PHLPP1: variants seen among roughly 807,000 people sequenced by gnomAD.
The protein encoded by PHLPP1 is PH domain and leucine rich repeat protein phosphatase 1, also known as PH domain leucine-rich repeat-containing protein phosphatase 1.
A neutral mutation model predicts 117.2 loss-of-function variants in PHLPP1; 42 were observed. The ratio of observed to expected loss-of-function variants is 0.36; its 90% CI spans 0.28 to 0.46. The LOEUF is 0.46. PHLPP1 is among the 20% of genes least tolerant of loss of function. PHLPP1 has a pLI of 1.00. For synonymous variants in PHLPP1, 1,042 were observed against 970.7 expected (o/e 1.07, Z -1.37); for missense variants, 2,084 against 2,241.9 (o/e 0.93, Z 1.42).
At chr18:62,849,822 A>ATATATATATATATATATAT (rs1568137160) in intron 3 of PHLPP1, among the ~76,000 whole-genome samples, 1 of 45,492 alleles carries the variant, frequency 2.2e-5, no homozygotes, top group Non-Finnish European at 4.6e-5. Context: ...AAAAAAAAAA[A>ATATATATATATATATATAT]AAAAAAAAAA....
At chr18:62,851,410 G>C (rs1408689428) in intron 3 of PHLPP1, among the ~76,000 whole-genome samples, 1 of 152,024 alleles carries the variant, frequency 6.6e-6, no homozygotes, top group African/African-American at 2.4e-5. Context: ...TAAAATCATA[G>C]ATCCTACCTC....
At chr18:62,748,605 C>T (rs1911750096) in intron 1 of PHLPP1, among the ~76,000 whole-genome samples, 1 of 152,158 alleles carries the variant, frequency 6.6e-6, no homozygotes, top group Non-Finnish European at 1.5e-5. Flanking sequence ...TATATAGTGA[C>T]ATTTTATTTC....
At chr18:62,906,525 G>T (rs576790066) in intron 8 of PHLPP1, 1 of 138,646 alleles carries the variant, frequency 7.2e-6, no homozygotes, top group Middle Eastern at 3.3e-3. Flanking sequence ...TTCCCTTTCC[G>T]AGTCAAAGAA....
rs183857169 is a variant in PHLPP1, at chr18:62,891,362, C to T, written c.2067-3649C>T. 3.9e-5 allele frequency among the ~76,000 whole-genome samples: 6 copies of T among 152,238 alleles called. No homozygotes were observed. In the East Asian group the frequency reaches 9.6e-4, roughly 24 times the overall value. On this transcript the variant is annotated intron_variant, in intron 4 of 16. Transcript: ENST00000262719. ...CAACAGTTTGGGAGGCCAAGGCGGG[C>T]GGATCACCTGAGGTCAGGAGTTCGA...
intron 3 of PHLPP1, chr18:62,839,114 A>T (rs983198491): frequency 4.2e-5 from 22 of 528,140 alleles, no homozygotes; most frequent in Admixed American, 3.3e-4. Context: ...TTACTTGCCC[A>T]GTTTATACTT....
At chr18:62,839,549 T>A (rs971570872) in intron 3 of PHLPP1, 1 of 151,442 alleles carries the variant, frequency 6.6e-6, no homozygotes, top group African/African-American at 2.4e-5. Context: ...AAACCCCATC[T>A]CTACTAAAAA....
chr18:62,747,546 A>G (rs1911716269), intron 1 of PHLPP1, among the ~76,000 whole-genome samples: 1 of 150,722 alleles, frequency 6.6e-6, no homozygotes, highest in Non-Finnish European at 1.5e-5. Flanking sequence ...CTTCTTCAAC[A>G]GGGTCTCCAT....
chr18:62,766,076 A>AAAAAAAATAT, intron 1 of PHLPP1, among the ~76,000 whole-genome samples: 11 of 21,662 alleles, frequency 5.1e-4, no homozygotes, highest in African/African-American at 1.2e-3. Context: ...AAAAAAAAAA[A>AAAAAAAATAT]ATATATATAT....
At chr18:62,867,607 A>G (rs1915800282) in intron 4 of PHLPP1, among the ~76,000 whole-genome samples, 1 of 152,058 alleles carries the variant, frequency 6.6e-6, no homozygotes, top group Non-Finnish European at 1.5e-5. Flanking sequence ...TCCTCTCAGC[A>G]CCTTTTTCTT....
chr18:62,975,339 T>C, intron 15 of PHLPP1, 58 bp from the exon 16 acceptor site: 1 of 1,202,574 alleles, frequency 8.3e-7, no homozygotes, highest in Non-Finnish European at 1.2e-6. Flanking sequence ...CTGTTGAATT[T>C]GCAGAACTGG....
chr18:62,928,252 A>G (rs1422314682), intron 10 of PHLPP1, among the ~76,000 whole-genome samples: 2 of 152,180 alleles, frequency 1.3e-5, no homozygotes, highest in African/African-American at 4.8e-5. Flanking sequence ...CCATCAAGAA[A>G]GTGAACGTGC....
At chr18:62,946,251 T>C (rs1246881489) in intron 12 of PHLPP1, among the ~76,000 whole-genome samples, 2 of 152,196 alleles carry the variant, frequency 1.3e-5, no homozygotes, top group East Asian at 3.8e-4. Context: ...TTTAAATGGC[T>C]TGCATAACTT....
chr18:62,903,448 T>G lies in PHLPP1; in HGVS notation c.2647+282T>G, dbSNP rs563247831. ...AAAGGAAGAGAGAAAAGTGAACTATTTCTTGGGCTACATTACCAAGATCTA... is the reference window on the plus strand; with the variant it reads ...AAAGGAAGAGAGAAAAGTGAACTATGTCTTGGGCTACATTACCAAGATCTA... On this transcript the variant is annotated intron_variant, in intron 7 of 16. Coordinates refer to ENST00000262719, the MANE Select transcript of PHLPP1 (RefSeq NM_194449.4). 2.4e-4 allele frequency among the ~76,000 whole-genome samples: 37 copies of G among 152,330 alleles called. 1 individual carries two copies. The South Asian group carries it at 7.2e-3, about 30-fold the overall frequency.
intron 1 of PHLPP1, among the ~76,000 whole-genome samples, chr18:62,821,503 C>T (rs569869269): frequency 3.8e-5 from 5 of 133,124 alleles, no homozygotes; most frequent in South Asian, 4.7e-4. Flanking sequence ...GAGCCGAGAT[C>T]GCATCAGTAT....
chr18:62,869,075 T>C (rs930116590), intron 4 of PHLPP1, among the ~76,000 whole-genome samples: 4 of 152,240 alleles, frequency 2.6e-5, no homozygotes, highest in African/African-American at 9.6e-5. Flanking sequence ...TGGTTTTCAT[T>C]CTCTTATTGC....
intron 3 of PHLPP1, among the ~76,000 whole-genome samples, chr18:62,855,782 G>A (rs1482729843): frequency 6.6e-6 from 1 of 152,084 alleles, no homozygotes; most frequent in Non-Finnish European, 1.5e-5. Context: ...GTATTTAGTG[G>A]GATGCTTCAT....
chr18:62,890,575 A>G (rs2144393670), intron 4 of PHLPP1, among the ~76,000 whole-genome samples: 1 of 152,154 alleles, frequency 6.6e-6, no homozygotes, highest in East Asian at 1.9e-4. Flanking sequence ...CTTCTTTTCC[A>G]TTTAAAACTT....
intron 16 of PHLPP1, among the ~76,000 whole-genome samples, chr18:62,977,300 C>T (rs758671339): frequency 6.6e-6 from 1 of 151,964 alleles, no homozygotes; most frequent in East Asian, 1.9e-4. Flanking sequence ...CTTTGTCATC[C>T]CAGACAGGGA....
At chr18:62,782,773 A>G (rs757952047) in intron 1 of PHLPP1, among the ~76,000 whole-genome samples, 1 of 152,164 alleles carries the variant, frequency 6.6e-6, no homozygotes, top group Non-Finnish European at 1.5e-5. Context: ...AGGAGAAATA[A>G]CAAGGGGTAG....
Sources: allele counts gnomAD v4.1 joint callset (sites outside exome capture counted in the v4.1 genomes callset), GRCh38; gene constraint gnomAD v4.1.1; transcripts MANE v1.5; gene names NCBI Gene and HGNC (gene_info 2026-07-23, HGNC 2026-07-21).